The following PARD3B variants were observed in gnomAD, a reference collection of about 807,000 sequenced individuals.
PARD3B encodes the protein par-3 family cell polarity regulator beta.
PARD3B carries 103 observed loss-of-function variants against 130.2 expected under a neutral mutation model. That is an observed-to-expected ratio of 0.79 (90% CI 0.67 to 0.93). The LOEUF (loss-of-function observed/expected upper bound fraction) is 0.93. PARD3B is among the 40% of genes least tolerant of loss of function. The pLI is 0.00. For missense variants in PARD3B, 1,609 were observed against 1,499.2 expected, an observed-to-expected ratio of 1.07 and a Z score of -1.21; for synonymous variants, 583 against 553.2, an observed-to-expected ratio of 1.05 and a Z score of -0.76.
At chr2:205,614,043 CA>C (rs760956092) in intron 22 of PARD3B, among the ~76,000 whole-genome samples, 4 of 151,860 alleles carry the variant, frequency 2.6e-5, no homozygotes, top group African/African-American at 7.3e-5. Flanking sequence ...GGGGGAGTGG[CA>C]AAAAAATGGG....
chr2:205,220,941 G>T (rs977869728), intron 15 of PARD3B, among the ~76,000 whole-genome samples: 2 of 152,110 alleles, frequency 1.3e-5, no homozygotes, highest in Admixed American at 6.5e-5. Flanking sequence ...ATATTGGAGG[G>T]GCTGCTGCAC....
rs113802401 is a variant in PARD3B, at chr2:204,565,615, G to A, written c.120+19496G>A. Among the ~76,000 whole-genome samples, 1,313 of 152,286 alleles carry A rather than the reference G, an allele frequency of 8.6e-3. 14 individuals are homozygous for A. Among genetic ancestry groups the A allele is most frequent in the African/African-American group, 0.031 (1,276 of 41,562 alleles). On this transcript the variant is annotated intron_variant, in intron 1 of 22. Coordinates refer to ENST00000406610, the MANE Select transcript of PARD3B (RefSeq NM_001302769.2). Reference sequence around the variant, plus strand: ...ATCAAGCTCACAGTGGTGGATACAGGTGTTAAAAATTTTTAATTTTTGGAT... The same window carrying A: ...ATCAAGCTCACAGTGGTGGATACAGATGTTAAAAATTTTTAATTTTTGGAT...
chr2:205,071,828 C>T (rs1700751183), intron 4 of PARD3B, among the ~76,000 whole-genome samples: 1 of 152,072 alleles, frequency 6.6e-6, no homozygotes, highest in Non-Finnish European at 1.5e-5. Flanking sequence ...TACACACTCT[C>T]TCTAATTGTT....
intron 3 of PARD3B, among the ~76,000 whole-genome samples, chr2:204,968,010 C>T (rs559985253): frequency 6.6e-6 from 1 of 152,146 alleles, no homozygotes; most frequent in East Asian, 1.9e-4. Flanking sequence ...GGCCCTTCAT[C>T]TCCCTTCCCC....
At chr2:204,827,630 T>C (rs2043634750) in intron 2 of PARD3B, among the ~76,000 whole-genome samples, 1 of 152,180 alleles carries the variant, frequency 6.6e-6, no homozygotes, top group South Asian at 2.1e-4. Context: ...CAGTGGTAGG[T>C]ATTAGGAAAA....
chr2:205,226,705 C>A (rs2038570797), intron 15 of PARD3B, among the ~76,000 whole-genome samples: 1 of 152,136 alleles, frequency 6.6e-6, no homozygotes, highest in African/African-American at 2.4e-5. Context: ...TCTGTTCTGT[C>A]CCATTAATCT....
intron 15 of PARD3B, among the ~76,000 whole-genome samples, chr2:205,225,113 G>A (rs559087882): frequency 3.3e-5 from 5 of 152,176 alleles, no homozygotes; most frequent in African/African-American, 1.2e-4. Context: ...TTGCTTTTGG[G>A]TATATACATA....
intron 18 of PARD3B, 49 bp from the exon 19 acceptor site, chr2:205,400,964 A>C: frequency 7.2e-7 from 1 of 1,387,906 alleles, no homozygotes; most frequent in Non-Finnish European, 1.0e-6. Flanking sequence ...GCTCTACCGC[A>C]AAAACAATGT....
At chr2:205,209,437 G>A (rs73059286) in intron 15 of PARD3B, among the ~76,000 whole-genome samples, 25,616 of 151,990 alleles carry the variant, frequency 0.17, 2,512 homozygotes, top group African/African-American at 0.27. Flanking sequence ...CTTCCTAAAA[G>A]TATGAAGCTA....
intron 22 of PARD3B, among the ~76,000 whole-genome samples, chr2:205,608,355 T>C (rs2055095861): frequency 6.6e-6 from 1 of 152,194 alleles, no homozygotes; most frequent in Non-Finnish European, 1.5e-5. Flanking sequence ...GGACCACAGT[T>C]ACAATAGAAA....
intron 20 of PARD3B, among the ~76,000 whole-genome samples, chr2:205,493,401 T>A (rs2049796638): frequency 6.6e-6 from 1 of 152,198 alleles, no homozygotes; most frequent in African/African-American, 2.4e-5. Flanking sequence ...TGTTTTTCTT[T>A]ATTCCATGTC....
At chr2:205,430,723 C>T (rs896205368) in intron 19 of PARD3B, among the ~76,000 whole-genome samples, 3 of 151,998 alleles carry the variant, frequency 2.0e-5, no homozygotes, top group South Asian at 2.1e-4. Context: ...ACTTGGTTTC[C>T]GCAATAACCC....
In PARD3B at chr2:205,355,165, C is replaced by T. The variant is rs116083765; in HGVS notation, c.2631-45848C>T. ...TGGATTAATACTTTGCTGTTGCTGT[C>T]GTGAAAGGCTTTATCATTTTTGAAC... On this transcript the variant is annotated intron_variant, in intron 18 of 22. Coordinates refer to ENST00000406610, the MANE Select transcript of PARD3B (RefSeq NM_001302769.2). Among the ~76,000 whole-genome samples the T allele has an allele frequency of 1.5e-3, 233 of 152,238 alleles. 2 individuals carry two copies. The highest frequency in any genetic ancestry group is 5.4e-3 in the African/African-American group (226 of 41,554).
intron 1 of PARD3B, among the ~76,000 whole-genome samples, chr2:204,680,728 G>A (rs1430028527): frequency 3.3e-5 from 5 of 151,556 alleles, no homozygotes; most frequent in Non-Finnish European, 5.9e-5. Context: ...TTTTCTCATT[G>A]CCTTTATTTT....
intron 3 of PARD3B, among the ~76,000 whole-genome samples, chr2:204,990,502 G>A (rs1255449958): frequency 3.9e-5 from 6 of 152,044 alleles, no homozygotes; most frequent in Non-Finnish European, 5.9e-5. Context: ...ATTGTATGTT[G>A]ATACCCATTA....
chr2:204,972,769 A>G (rs1691819850), intron 3 of PARD3B, among the ~76,000 whole-genome samples: 1 of 152,292 alleles, frequency 6.6e-6, no homozygotes, highest in South Asian at 2.1e-4. Context: ...TGCTGGACCC[A>G]CACTGAGACG....
intron 2 of PARD3B, among the ~76,000 whole-genome samples, chr2:204,826,678 AAAC>A (rs1373043268): frequency 6.6e-6 from 1 of 152,150 alleles, no homozygotes; most frequent in African/African-American, 2.4e-5. Context: ...ATATATGTGA[AAAC>A]AAAAAGTAGT....
At chr2:205,131,703 G>A (rs1002676981) in intron 10 of PARD3B, among the ~76,000 whole-genome samples, 3 of 152,146 alleles carry the variant, frequency 2.0e-5, no homozygotes, top group Non-Finnish European at 4.4e-5. Flanking sequence ...AGAGCCACAT[G>A]GGCAAAAGAA....
At chr2:205,030,787 G>T (rs1416977014) in intron 3 of PARD3B, among the ~76,000 whole-genome samples, 4 of 152,018 alleles carry the variant, frequency 2.6e-5, no homozygotes, top group African/African-American at 4.8e-5. Flanking sequence ...TTGTTTCATG[G>T]CCACAGATTC....
Sources: allele counts gnomAD v4.1 joint callset (sites outside exome capture counted in the v4.1 genomes callset), GRCh38; gene constraint gnomAD v4.1.1; transcripts MANE v1.5; gene names NCBI Gene and HGNC (gene_info 2026-07-23, HGNC 2026-07-21).